The following TLN2 variants were observed in gnomAD, a reference collection of about 807,000 sequenced individuals.
TLN2 encodes talin 2.
A neutral mutation model predicts 294.7 loss-of-function variants in TLN2; 118 were observed. The observed-to-expected ratio is 0.40, with a 90% CI of 0.34 to 0.47. TLN2 has a LOEUF of 0.47. Among genes scored for constraint, TLN2 ranks in the 20% least tolerant of loss-of-function variants. TLN2 has a pLI of 0.84. For synonymous variants in TLN2, 1,431 were observed against 1,304.5 expected, an observed-to-expected ratio of 1.10 and a Z score of -2.09; for missense variants, 3,083 against 3,282.2, an observed-to-expected ratio of 0.94 and a Z score of 1.48.
intron 1 of TLN2, among the ~76,000 whole-genome samples, chr15:62,471,134 C>G (rs1486880944): frequency 6.6e-6 from 1 of 152,108 alleles, no homozygotes; most frequent in Non-Finnish European, 1.5e-5. Flanking sequence ...GGCTTGAGCC[C>G]AGAAGTTCCA....
chr15:62,653,233 A>C lies in TLN2; in HGVS notation c.436A>C (p.Thr146Pro), dbSNP rs2052799611. ...IEEKKEEGTG[T>P]LKKDRTLLRD... Reference sequence around the variant, plus strand: ...AGAAAAGAAAGAGGAAGGAACGGGCACACTCAAAAAAGACAGGACACTGTT... The same window carrying C: ...AGAAAAGAAAGAGGAAGGAACGGGCCCACTCAAAAAAGACAGGACACTGTT... Residue 146 changes from threonine to proline, a missense_variant, in exon 7 of 59, where the codon ACA (threonine) becomes CCA (proline). Transcript: ENST00000636159. The C allele has an allele frequency of 6.2e-7, 1 of 1,613,226 alleles. No homozygotes were observed. The highest frequency in any genetic ancestry group is 1.3e-5 in the African/African-American group (1 of 74,932).
At chr15:62,502,054 TAGG>T (rs2140431448) in intron 1 of TLN2, among the ~76,000 whole-genome samples, 1 of 152,322 alleles carries the variant, frequency 6.6e-6, no homozygotes, top group East Asian at 1.9e-4. Context: ...ATGGGCCTTA[TAGG>T]AGAACTAGTC....
intron 2 of TLN2, among the ~76,000 whole-genome samples, chr15:62,609,697 C>T (rs1028045257): frequency 6.6e-6 from 1 of 152,152 alleles, no homozygotes; most frequent in Non-Finnish European, 1.5e-5. Flanking sequence ...GTCCTGTTAC[C>T]GATGGTGCCC....
At chr15:62,820,718 T>G in intron 54 of TLN2, 108 bp downstream of exon 54, 9 of 1,430,356 alleles carry the variant, frequency 6.3e-6, no homozygotes, top group Non-Finnish European at 8.5e-6. Flanking sequence ...TTCCTTATGG[T>G]CAGACTAGCA....
At chr15:62,793,117 G>A (rs997347187) in intron 46 of TLN2, among the ~76,000 whole-genome samples, 1 of 152,218 alleles carries the variant, frequency 6.6e-6, no homozygotes. Context: ...GGGGAGGCCT[G>A]GAGCCAGAGC....
Position 62,567,058 on chromosome 15 carries a change from A to G in TLN2, c.-237-22629A>G, listed in dbSNP as rs563882707. 1.3e-4 allele frequency among the ~76,000 whole-genome samples: 20 copies of G among 152,342 alleles called. No homozygotes were observed. In the South Asian group the frequency reaches 3.9e-3, roughly 30 times the overall value. On this transcript the variant is annotated intron_variant, in intron 1 of 58. Coordinates refer to ENST00000636159, the MANE Select transcript of TLN2 (RefSeq NM_015059.3). ...TTCTTGAGTCGACATAGTTACGATCATAAGTACAATTTAGTTATCTGTTTT... is the reference window on the plus strand; with the variant it reads ...TTCTTGAGTCGACATAGTTACGATCGTAAGTACAATTTAGTTATCTGTTTT...
chr15:62,727,057 C>T (rs1489883357), intron 27 of TLN2, 30 bp from the exon 28 acceptor site: 16 of 1,605,032 alleles, frequency 1.0e-5, no homozygotes, highest in South Asian at 2.2e-5. Context: ...TTTTCTTCTA[C>T]GTTCTTTCCC....
At chr15:62,791,865 G>C (rs1021244020) in intron 45 of TLN2, among the ~76,000 whole-genome samples, 10 of 152,234 alleles carry the variant, frequency 6.6e-5, no homozygotes, top group African/African-American at 2.4e-4. Flanking sequence ...CGGGGAGGTG[G>C]AAGTGGAATT....
At chr15:62,740,822 G>C in intron 32 of TLN2, 53 bp downstream of exon 32, 1 of 1,603,744 alleles carries the variant, frequency 6.2e-7, no homozygotes, top group Non-Finnish European at 8.5e-7. Context: ...TGTCATTGCA[G>C]TCTGAAGATG....
At position 62,502,145 on chromosome 15, in the gene TLN2, T is replaced by A. The variant is rs144493398; in HGVS notation, c.-237-87542T>A. 1.1e-4 allele frequency among the ~76,000 whole-genome samples: 17 copies of A among 152,376 alleles called. No homozygotes were observed. In the Middle Eastern group the frequency reaches 0.01, roughly 91 times the overall value. ...AGGCATTGCCACAAGTTTCTTCAGC[T>A]GAAGGAAGCTTTACGGAGTTGTGGG... On this transcript the variant is annotated intron_variant, in intron 1 of 58. Transcript: ENST00000636159.
At chr15:62,658,681 C>T (rs1024876209) in intron 9 of TLN2, among the ~76,000 whole-genome samples, 1 of 152,082 alleles carries the variant, frequency 6.6e-6, no homozygotes, top group Non-Finnish European at 1.5e-5. Context: ...GTCATACTGC[C>T]GGGTGTTCCT....
chr15:62,825,864 A>ATATT (rs2068139317), intron 54 of TLN2, among the ~76,000 whole-genome samples: 1 of 95,568 alleles, frequency 1.0e-5, no homozygotes, highest in Non-Finnish European at 1.9e-5. Flanking sequence ...ATATATATAT[A>ATATT]TATTTATATA....
At chr15:62,442,292 C>G (rs2035584752) in intron 1 of TLN2, among the ~76,000 whole-genome samples, 1 of 151,684 alleles carries the variant, frequency 6.6e-6, no homozygotes, top group Non-Finnish European at 1.5e-5. Context: ...GGTCAGGGTT[C>G]CAGACTAGCC....
intron 15 of TLN2, 25 bp from the exon 16 acceptor site, chr15:62,698,729 A>G: frequency 6.3e-7 from 1 of 1,593,980 alleles, no homozygotes; most frequent in East Asian, 2.2e-5. Flanking sequence ...GTGGGATGAC[A>G]GCTTTGTTTC....
At chr15:62,634,339 C>T (rs969800826) in intron 3 of TLN2, among the ~76,000 whole-genome samples, 1 of 152,186 alleles carries the variant, frequency 6.6e-6, no homozygotes, top group Non-Finnish European at 1.5e-5. Context: ...CCCTGTCTCT[C>T]TTTGACTGGT....
At chr15:62,545,514 T>TGTGTGTGTGTGTG (rs2041944734) in intron 1 of TLN2, among the ~76,000 whole-genome samples, 5 of 145,944 alleles carry the variant, frequency 3.4e-5, no homozygotes, top group African/African-American at 1.3e-4. Flanking sequence ...TTCTTTCTCT[T>TGTGTGTGTGTGTG]TGTGTGTGTG....
intron 1 of TLN2, among the ~76,000 whole-genome samples, chr15:62,531,347 G>A (rs944158532): frequency 2.6e-5 from 4 of 152,340 alleles, no homozygotes; most frequent in African/African-American, 7.2e-5. Flanking sequence ...GTGTTCTCAC[G>A]TGTGGAATCC....
At chr15:62,820,414 A>G (rs1347001110) in intron 53 of TLN2, 72 bp from the exon 54 acceptor site, 3 of 1,540,312 alleles carry the variant, frequency 1.9e-6, no homozygotes, top group Non-Finnish European at 2.6e-6. Context: ...AAATCCAGAT[A>G]GTGTTTTTAA....
chr15:62,740,468 TG>T, intron 31 of TLN2, 161 bp from the exon 32 acceptor site: 1 of 804,872 alleles, frequency 1.2e-6, no homozygotes, highest in Non-Finnish European at 2.0e-6. Flanking sequence ...GGGTAGACAC[TG>T]GTCAGTGTCT....
Sources: allele counts gnomAD v4.1 joint callset (sites outside exome capture counted in the v4.1 genomes callset), GRCh38; gene constraint gnomAD v4.1.1; transcripts MANE v1.5; gene names NCBI Gene and HGNC (gene_info 2026-07-23, HGNC 2026-07-21).